The following MLIP variants were observed in gnomAD, a reference collection of about 807,000 sequenced individuals.
MLIP encodes the protein muscular LMNA-interacting protein.
MLIP carries 79 observed loss-of-function variants against 84.8 expected under a neutral mutation model. That is an observed-to-expected ratio of 0.93 (90% CI 0.78 to 1.12). The LOEUF (loss-of-function observed/expected upper bound fraction) is 1.12, where lower values mean the gene tolerates loss of function less well. Ranked by LOEUF, MLIP falls within the 50% of genes most tolerant of loss-of-function variation. The pLI, the probability that MLIP is intolerant of heterozygous loss-of-function variation, is 0.00. For missense variants in MLIP, 1,257 were observed against 1,160.6 expected (o/e 1.08, Z -1.21); for synonymous variants, 504 against 463.0 (o/e 1.09, Z -1.14).
chr6:54,084,625 G>A (rs1767368287), intron 1 of MLIP, among the ~76,000 whole-genome samples: 1 of 152,110 alleles, frequency 6.6e-6, no homozygotes, highest in South Asian at 2.1e-4. Flanking sequence ...TTAACAAGGA[G>A]AAAAAAGTAC....
At chr6:54,106,006 T>C (rs896773866) in intron 1 of MLIP, among the ~76,000 whole-genome samples, 5 of 152,164 alleles carry the variant, frequency 3.3e-5, no homozygotes, top group Non-Finnish European at 7.3e-5. Context: ...CTTGCTGCTA[T>C]ATGGAAGATA....
chr6:54,210,300 G>A (rs1391178360), intron 11 of MLIP, among the ~76,000 whole-genome samples: 4 of 151,334 alleles, frequency 2.6e-5, no homozygotes, highest in African/African-American at 9.7e-5. Context: ...CATTCTGAAC[G>A]ATGTTAAAGC....
In MLIP at chr6:54,065,675, G is replaced by T. The variant is rs540427636; in HGVS notation, c.63+46584G>T. ...ATCTGAAGCGGTTGGGTGGATTTTG[G>T]TTCCCTCCACTCTCTTGTGTTTCCA... On this transcript the variant is annotated intron_variant, in intron 1 of 12. Transcript: ENST00000274897. 6.0e-5 allele frequency among the ~76,000 whole-genome samples: 6 copies of T among 99,240 alleles called. 2 individuals carry two copies. In the South Asian group the frequency reaches 2.2e-3, roughly 36 times the overall value. The allele number at this position is 99,240 out of a possible 152,430, so 65.1% of individuals were successfully genotyped here.
intron 1 of MLIP, among the ~76,000 whole-genome samples, chr6:54,023,381 A>G (rs1009954037): frequency 1.3e-5 from 2 of 151,764 alleles, no homozygotes; most frequent in African/African-American, 2.4e-5. Flanking sequence ...TATATCTAAT[A>G]TAAGGAGCTG....
chr6:54,207,414 C>A (rs937267472), intron 11 of MLIP, among the ~76,000 whole-genome samples: 1 of 143,826 alleles, frequency 7.0e-6, no homozygotes, highest in African/African-American at 2.5e-5. Context: ...TCTGCACCCC[C>A]CCCCCCTTTT....
intron 8 of MLIP, among the ~76,000 whole-genome samples, chr6:54,163,145 A>G (rs1582343760): frequency 6.6e-6 from 1 of 152,118 alleles, no homozygotes; most frequent in South Asian, 2.1e-4. Context: ...ATCAGCATAT[A>G]TAATCATTTC....
intron 1 of MLIP, among the ~76,000 whole-genome samples, chr6:54,036,029 T>G (rs986009796): frequency 6.6e-6 from 1 of 151,980 alleles, no homozygotes; most frequent in African/African-American, 2.4e-5. Flanking sequence ...GTATCAAGTA[T>G]AAGAACTCTT....
rs1483885495 is a variant in MLIP, at chr6:54,068,795, G to A, written c.63+49704G>A. On this transcript the variant is annotated intron_variant, in intron 1 of 12. Transcript: ENST00000274897. ...TGAGACTTAAAGAGTTAGGTAACTT[G>A]CCCCTTCACCAGCTAGCTAGTCAAT... 1.7e-4 allele frequency among the ~76,000 whole-genome samples: 17 copies of A among 100,268 alleles called. 2 individuals carry two copies. The highest frequency in any genetic ancestry group is 4.3e-4 in the African/African-American group (17 of 39,190). The allele number at this position is 100,268 out of a possible 152,430, so 65.8% of individuals were successfully genotyped here. A position where few individuals can be genotyped will look rare whatever the true frequency, so the allele number is the denominator to read the frequency against.
intron 5 of MLIP, among the ~76,000 whole-genome samples, chr6:54,151,181 C>T (rs948616759): frequency 2.0e-5 from 3 of 151,910 alleles, no homozygotes; most frequent in African/African-American, 7.2e-5. Flanking sequence ...TCTTTAGGTC[C>T]TTTAAATTAT....
At chr6:54,149,229 C>G in intron 5 of MLIP, 102 bp downstream of exon 5, 1 of 1,040,984 alleles carries the variant, frequency 9.6e-7, no homozygotes, top group South Asian at 1.5e-5. Flanking sequence ...AAAGTTCTGC[C>G]TTTACTAAAA....
In MLIP at chr6:54,124,572, C is replaced by A; in HGVS notation, c.352C>A (p.Gln118Lys). 1 of 1,614,172 alleles carries A rather than the reference C, an allele frequency of 6.2e-7. No homozygotes were observed. The highest frequency in any genetic ancestry group is 2.2e-5 in the East Asian group (1 of 44,882). The stretch of plus-strand genomic sequence containing the variant: ...TTCAGAGGTCAGTGGAACGATTTTA[C>A]AAGAAAGGGAATTCGAAGCAAACAA... Reference protein sequence around the residue: ...CPSEVSGTILQEREFEANKLQ... With the variant: ...CPSEVSGTILKEREFEANKLQ... Residue 118 changes from glutamine (Q) to lysine (K), a missense_variant, in exon 3 of 14, where the codon CAA (glutamine) becomes AAA (lysine). Coordinates refer to ENST00000502396, the MANE Select transcript of MLIP (RefSeq NM_001281747.2).
intron 2 of MLIP, among the ~76,000 whole-genome samples, chr6:54,121,943 T>C (rs1770493173): frequency 6.6e-6 from 1 of 152,054 alleles, no homozygotes; most frequent in East Asian, 1.9e-4. Flanking sequence ...GACAAAACAG[T>C]GAGATATTAT....
At chr6:54,094,586 C>T (rs1326171044) in intron 1 of MLIP, among the ~76,000 whole-genome samples, 1 of 150,328 alleles carries the variant, frequency 6.7e-6, no homozygotes, top group Non-Finnish European at 1.5e-5. Context: ...TGTCTTCTTT[C>T]TGACTTTTTT....
At chr6:54,098,858 T>A (rs1259002132) in intron 1 of MLIP, among the ~76,000 whole-genome samples, 1 of 152,168 alleles carries the variant, frequency 6.6e-6, no homozygotes, top group Non-Finnish European at 1.5e-5. Flanking sequence ...CTACTCTTAT[T>A]ATCCCTATTT....
chr6:54,172,441 G>T (rs1470910062), intron 9 of MLIP, among the ~76,000 whole-genome samples: 3 of 151,690 alleles, frequency 2.0e-5, no homozygotes, highest in Admixed American at 6.6e-5. Context: ...ATGACAGTAT[G>T]CCAATTTCTG....
chr6:54,160,046 C>T (rs555297504), intron 5 of MLIP, among the ~76,000 whole-genome samples: 7 of 151,890 alleles, frequency 4.6e-5, no homozygotes, highest in East Asian at 1.9e-4. Flanking sequence ...ATCTGATCTT[C>T]GACAAACCTG....
In MLIP at chr6:54,104,872, C is replaced by T. The variant is rs140540318; in HGVS notation, c.64-16575C>T. On this transcript the variant is annotated intron_variant, in intron 1 of 12. Coordinates refer to the MLIP transcript ENST00000274897. ...AAAGGGTTCTGTGGCCAAATAAATA[C>T]GGGAAACCACGGGCTAAACACAGCT... Among the ~76,000 whole-genome samples, 39 of 152,128 alleles carry T rather than the reference C, an allele frequency of 2.6e-4. 1 individual carries two copies. The highest frequency in any genetic ancestry group is 1.2e-3 in the East Asian group (6 of 5,168).
chr6:54,210,746 A>AAAAAT (rs879619211), intron 11 of MLIP, among the ~76,000 whole-genome samples: 1 of 149,804 alleles, frequency 6.7e-6, no homozygotes. Flanking sequence ...AAAAAAAAAA[A>AAAAAT]TGTTCTAATG....
chr6:54,036,100 G>T (rs1764420965), intron 1 of MLIP, among the ~76,000 whole-genome samples: 1 of 151,846 alleles, frequency 6.6e-6, no homozygotes, highest in Admixed American at 6.6e-5. Flanking sequence ...GCTTGTCATT[G>T]TATATTTAAG....
Sources: gnomAD v4.1 joint callset for allele counts (sites outside exome capture counted in the v4.1 genomes callset) on GRCh38, gnomAD v4.1.1 for gene constraint, MANE v1.5 for transcripts, NCBI Gene and HGNC (gene_info 2026-07-23, HGNC 2026-07-21) for gene names.